Variants in MAP4 observed in about 807,000 individuals in gnomAD.
MAP4 encodes the protein microtubule associated protein 4.
In MAP4, 76 loss-of-function variants were observed where a neutral mutation model predicts 170.2. That is an observed-to-expected ratio of 0.45 (90% CI 0.37 to 0.54). MAP4 has a LOEUF of 0.54. Among genes scored for constraint, MAP4 ranks in the 20% least tolerant of loss-of-function variants. The pLI is 0.00. For synonymous variants in MAP4, 909 were observed against 994.5 expected, an observed-to-expected ratio of 0.91 and a Z score of 1.62; for missense variants, 2,506 against 2,748.0, an observed-to-expected ratio of 0.91 and a Z score of 1.97.
At chr3:47,886,577 A>G (rs893790657) in intron 10 of MAP4, among the ~76,000 whole-genome samples, 4 of 152,226 alleles carry the variant, frequency 2.6e-5, no homozygotes, top group Admixed American at 1.3e-4. Flanking sequence ...TGCTGAGATT[A>G]CAGGCATGAG....
At chr3:47,946,792 A>T (rs1435241014) in intron 3 of MAP4, among the ~76,000 whole-genome samples, 9 of 152,130 alleles carry the variant, frequency 5.9e-5, no homozygotes, top group Non-Finnish European at 8.8e-5. Context: ...AATAACTTAT[A>T]ATGAACCCTA....
chr3:47,942,942 C>T (rs1168197241), intron 3 of MAP4, among the ~76,000 whole-genome samples: 3 of 152,022 alleles, frequency 2.0e-5, no homozygotes, highest in African/African-American at 7.2e-5. Flanking sequence ...AGACCCCAAC[C>T]TCTACAAAAA....
intron 10 of MAP4, among the ~76,000 whole-genome samples, chr3:47,898,869 T>C (rs2100028494): frequency 6.6e-6 from 1 of 151,796 alleles, no homozygotes; most frequent in South Asian, 2.1e-4. Context: ...AGAAGGAGGA[T>C]CACTTAAACC....
rs1202283950 is a variant in MAP4, at chr3:47,912,195, A to G, written c.2226T>C (p.Ser742=). 12 of 1,536,144 alleles carry G rather than the reference A, an allele frequency of 7.8e-6. No homozygotes were observed. Among genetic ancestry groups the G allele is most frequent in the Non-Finnish European group, 1.0e-5 (12 of 1,146,906 alleles). The change falls in exon 9 of 21, where the codon AGT becomes AGC. Residue 742 remains serine, a synonymous_variant. Coordinates refer to ENST00000683076, the MANE Select transcript of MAP4 (RefSeq NM_001385682.1). ...SCGGPGNQRK[S]IHVDSLEPQR... is the part of the protein sequence containing the mutation. Reference sequence around the variant, plus strand: ...GGGGTTCAAGTGAGTCAACATGAATACTTTTTCTTTGGTTCCCAGGCCCAC... The same window carrying G: ...GGGGTTCAAGTGAGTCAACATGAATGCTTTTTCTTTGGTTCCCAGGCCCAC...
At chr3:47,992,868 C>T (rs891170234) in intron 2 of MAP4, among the ~76,000 whole-genome samples, 3 of 149,144 alleles carry the variant, frequency 2.0e-5, no homozygotes, top group Admixed American at 6.7e-5. Flanking sequence ...TGTGCCACCG[C>T]ACTCCAGCCT....
At position 47,966,884 on chromosome 3, in the gene MAP4, T is replaced by C. The variant is rs572429283; in HGVS notation, c.292+10981A>G. Among the ~76,000 whole-genome samples the C allele has an allele frequency of 1.4e-4, 21 of 152,356 alleles. 1 individual carries two copies. The East Asian group carries it at 3.3e-3, about 24-fold the overall frequency. On this transcript the variant is annotated intron_variant, in intron 3 of 20. Coordinates refer to ENST00000683076, the MANE Select transcript of MAP4 (RefSeq NM_001385682.1). Reference sequence around the variant, plus strand: ...CCACACAGTTTTGATTATTATAGCATTTCAGTAAGTTTTGAAAATCAACAA... The same window carrying C: ...CCACACAGTTTTGATTATTATAGCACTTCAGTAAGTTTTGAAAATCAACAA...
At chr3:48,087,751 A>G (rs867226533) in intron 1 of MAP4, among the ~76,000 whole-genome samples, 1,741 of 134,192 alleles carry the variant, frequency 0.013, 18 homozygotes, top group African/African-American at 0.038. Context: ...ACGCGCACAC[A>G]CACACACACA....
At position 47,970,157 on chromosome 3, in the gene MAP4, C is replaced by T. The variant is rs184826916; in HGVS notation, c.292+7708G>A. 5.6e-4 allele frequency among the ~76,000 whole-genome samples: 86 copies of T among 152,320 alleles called. No homozygotes were observed. The Middle Eastern group carries it at 0.01, about 18-fold the overall frequency. On this transcript the variant is annotated intron_variant, in intron 3 of 20. Transcript: ENST00000683076. ...AAGCCCTTGCCTCAATATGGATTTT[C>T]TCTCAGTAACTAGAACTTAAGATAG...
At position 48,006,527 on chromosome 3, in the gene MAP4, T is replaced by C. The variant is rs150783573; in HGVS notation, c.-19-7648A>G. Among the ~76,000 whole-genome samples the C allele has an allele frequency of 6.3e-4, 96 of 152,298 alleles. 1 individual carries two copies. The highest frequency in any genetic ancestry group is 1.1e-3 in the Non-Finnish European group (74 of 68,028). On this transcript the variant is annotated intron_variant, in intron 1 of 20. Coordinates refer to ENST00000683076, the MANE Select transcript of MAP4 (RefSeq NM_001385682.1). The stretch of plus-strand genomic sequence containing the variant: ...CCAGTGCCAGAATGCATAATTGGCA[T>C]AGACATACTTAGCAGCTGGCAAAAC...
chr3:47,891,029 C>T (rs369908776), intron 10 of MAP4: 18 of 1,479,584 alleles, frequency 1.2e-5, no homozygotes, highest in Admixed American at 2.5e-5. Context: ...CATACCATCA[C>T]GTGGGGGCTT....
chr3:47,947,204 T>C (rs919561955), intron 3 of MAP4, among the ~76,000 whole-genome samples: 14 of 152,222 alleles, frequency 9.2e-5, no homozygotes, highest in African/African-American at 3.1e-4. Flanking sequence ...TTCTTGTCTT[T>C]GGTTCCCTCA....
intron 1 of MAP4, among the ~76,000 whole-genome samples, chr3:48,065,082 A>T (rs1027737565): frequency 2.0e-5 from 3 of 152,190 alleles, no homozygotes; most frequent in African/African-American, 4.8e-5. Context: ...GTGAGTTATG[A>T]TCGTGCCACT....
chr3:48,056,843 G>T (rs1373505193), intron 1 of MAP4, among the ~76,000 whole-genome samples: 1 of 117,380 alleles, frequency 8.5e-6, no homozygotes. Context: ...AGGGAGGTGG[G>T]GGGGGGGTCA....
chr3:47,973,354 T>C (rs1036723610), intron 3 of MAP4: 21 of 985,392 alleles, frequency 2.1e-5, no homozygotes, highest in Middle Eastern at 1.0e-3. Flanking sequence ...TGCCTCACCA[T>C]TGAGATACTG....
intron 1 of MAP4, among the ~76,000 whole-genome samples, chr3:48,038,902 G>C (rs1020431871): frequency 2.0e-5 from 3 of 152,144 alleles, no homozygotes; most frequent in African/African-American, 7.2e-5. Flanking sequence ...AGGAGTTCAA[G>C]ATCAGCCTGG....
rs1328184937 is a variant in MAP4, at chr3:47,885,932, G to T, written c.5435-8409C>A. Among the ~76,000 whole-genome samples the T allele has an allele frequency of 2.0e-5, 3 of 152,112 alleles. No homozygotes were observed. The East Asian group carries it at 5.8e-4, about 29-fold the overall frequency. On this transcript the variant is annotated intron_variant, in intron 10 of 20. Transcript: ENST00000683076. ...TTTAGTAGAGTTGGGGTTTCGCTGT[G>T]TTAGCCAGGATGGTCTCGATCTCCT...
intron 3 of MAP4, among the ~76,000 whole-genome samples, chr3:47,972,234 T>C (rs907307061): frequency 2.6e-5 from 4 of 152,234 alleles, no homozygotes; most frequent in African/African-American, 9.6e-5. Flanking sequence ...GCTAGGGAAC[T>C]GCGCATTTTG....
chr3:47,865,123 A>G (rs529685948), intron 17 of MAP4, among the ~76,000 whole-genome samples: 9 of 151,908 alleles, frequency 5.9e-5, no homozygotes, highest in Non-Finnish European at 8.8e-5. Context: ...CCCTCAAAAC[A>G]ACAAAACAAA....
At chr3:48,056,848 G>C (rs796462349) in intron 1 of MAP4, among the ~76,000 whole-genome samples, 1 of 118,082 alleles carries the variant, frequency 8.5e-6, no homozygotes, top group Non-Finnish European at 1.8e-5. Flanking sequence ...GGTGGGGGGG[G>C]GGTCAGCCCC....
Sources: gnomAD v4.1 joint callset for allele counts (sites outside exome capture counted in the v4.1 genomes callset) on GRCh38, gnomAD v4.1.1 for gene constraint, MANE v1.5 for transcripts, NCBI Gene and HGNC (gene_info 2026-07-23, HGNC 2026-07-21) for gene names.